The following RHBDD1 variants were observed in gnomAD, a reference collection of about 807,000 sequenced individuals.
RHBDD1 encodes the protein rhomboid domain containing 1, also known as rhomboid-related protein 4.
In RHBDD1, 38 loss-of-function variants were observed where a neutral mutation model predicts 36.3. The observed-to-expected ratio is 1.05, with a 90% CI of 0.81 to 1.37. The LOEUF is 1.37. RHBDD1 is among the 40% of genes most tolerant of loss of function. The pLI is 0.00. For synonymous variants in RHBDD1, 151 were observed against 136.5 expected, an observed-to-expected ratio of 1.11 and a Z score of -0.74; for missense variants, 393 against 377.6, an observed-to-expected ratio of 1.04 and a Z score of -0.34.
chr2:226,860,180 G>A (rs1273088117), intron 3 of RHBDD1, among the ~76,000 whole-genome samples: 3 of 152,164 alleles, frequency 2.0e-5, no homozygotes, highest in Non-Finnish European at 2.9e-5. Context: ...GAGAGGAGGA[G>A]CTGATTTGGA....
At chr2:226,920,870 C>T (rs1431637181) in intron 8 of RHBDD1, among the ~76,000 whole-genome samples, 1 of 152,098 alleles carries the variant, frequency 6.6e-6, no homozygotes, top group African/African-American at 2.4e-5. Flanking sequence ...ATACTGGCCT[C>T]ATAGAATTAG....
At chr2:226,840,448 C>T (rs1256277107) in intron 3 of RHBDD1, among the ~76,000 whole-genome samples, 1 of 152,154 alleles carries the variant, frequency 6.6e-6, no homozygotes, top group Non-Finnish European at 1.5e-5. Flanking sequence ...AGGAAAATCT[C>T]ATTAAGGAGA....
chr2:226,888,902 G>A (rs528606331), intron 5 of RHBDD1, among the ~76,000 whole-genome samples: 1 of 152,268 alleles, frequency 6.6e-6, no homozygotes, highest in South Asian at 2.1e-4. Flanking sequence ...AACTTCCATG[G>A]CAAGTGATTT....
At chr2:226,859,652 T>G (rs1426043280) in intron 3 of RHBDD1, among the ~76,000 whole-genome samples, 1 of 152,222 alleles carries the variant, frequency 6.6e-6, no homozygotes, top group Non-Finnish European at 1.5e-5. Flanking sequence ...CCATTTATAC[T>G]ATAATCCTGG....
chr2:226,967,319 A>G (rs1391977301), intron 8 of RHBDD1, among the ~76,000 whole-genome samples: 3 of 152,228 alleles, frequency 2.0e-5, no homozygotes, highest in Non-Finnish European at 4.4e-5. Context: ...TACTTGTTGA[A>G]TTAATAAAGA....
intron 8 of RHBDD1, among the ~76,000 whole-genome samples, chr2:226,954,522 A>G (rs1457169263): frequency 1.3e-5 from 2 of 152,210 alleles, no homozygotes; most frequent in Admixed American, 1.3e-4. Context: ...TCTAGCCGCT[A>G]GCAAACAAGT....
chr2:226,865,733 A>ATCAC (rs1944270533), intron 4 of RHBDD1, among the ~76,000 whole-genome samples: 1 of 152,198 alleles, frequency 6.6e-6, no homozygotes, highest in South Asian at 2.1e-4. Context: ...AATCACATGA[A>ATCAC]TCACTGGGCA....
At chr2:226,909,269 C>T (rs1484633736) in intron 7 of RHBDD1, among the ~76,000 whole-genome samples, 1 of 152,186 alleles carries the variant, frequency 6.6e-6, no homozygotes, top group African/African-American at 2.4e-5. Flanking sequence ...GGAACCCTTG[C>T]ATACCGTCAG....
rs115616411 is a variant in RHBDD1 at position 226,986,878 on chromosome 2, G to A, written c.857-8553G>A. On this transcript the variant is annotated intron_variant, in intron 8 of 8. Transcript: ENST00000392062. The stretch of plus-strand genomic sequence containing the variant: ...CATTCTGCTATAAAGACACATGCAC[G>A]TGTGTGCTTATTGTAGCACTATTCA... 2.7e-3 allele frequency among the ~76,000 whole-genome samples: 406 copies of A among 152,306 alleles called. 2 individuals carry two copies. The highest frequency in any genetic ancestry group is 9.3e-3 in the African/African-American group (386 of 41,564).
chr2:226,868,275 G>A (rs1168819885), intron 5 of RHBDD1, among the ~76,000 whole-genome samples: 4 of 152,126 alleles, frequency 2.6e-5, no homozygotes, highest in Non-Finnish European at 2.9e-5. Context: ...CCCTTACAGA[G>A]AAGGACTTGG....
At chr2:226,844,950 AATC>A (rs1171620798) in intron 3 of RHBDD1, among the ~76,000 whole-genome samples, 4 of 152,190 alleles carry the variant, frequency 2.6e-5, no homozygotes, top group African/African-American at 9.7e-5. Flanking sequence ...AATATAGTCT[AATC>A]ATTTTCATTT....
At chr2:226,814,502 A>T in the RHBDD1 span, among the ~76,000 whole-genome samples, 1 of 152,222 alleles carries the variant, frequency 6.6e-6, no homozygotes, top group Non-Finnish European at 1.5e-5. Context: ...AACATAGCAC[A>T]TCTGAGATAT....
At chr2:226,979,704 C>T (rs565014402) in intron 8 of RHBDD1, among the ~76,000 whole-genome samples, 3 of 152,314 alleles carry the variant, frequency 2.0e-5, no homozygotes, top group African/African-American at 7.2e-5. Flanking sequence ...CACATTGGGG[C>T]GCATCTTCCT....
chr2:226,992,951 G>A (rs756539142), intron 8 of RHBDD1, among the ~76,000 whole-genome samples: 7 of 152,190 alleles, frequency 4.6e-5, no homozygotes, highest in African/African-American at 9.7e-5. Flanking sequence ...AAGTGGAGAA[G>A]TGTACCTTGA....
chr2:226,805,587 A>G, the RHBDD1 span, among the ~76,000 whole-genome samples: 1 of 152,196 alleles, frequency 6.6e-6, no homozygotes, highest in Non-Finnish European at 1.5e-5. Context: ...CAGACTTTAC[A>G]ACACCTTTTG....
At chr2:226,870,596 C>G (rs1944720304) in intron 5 of RHBDD1, among the ~76,000 whole-genome samples, 1 of 152,148 alleles carries the variant, frequency 6.6e-6, no homozygotes, top group Admixed American at 6.5e-5. Context: ...TGCTGCGCCC[C>G]CATGTAGTTG....
At chr2:226,916,224 G>A (rs1268811577) in intron 8 of RHBDD1, among the ~76,000 whole-genome samples, 1 of 152,196 alleles carries the variant, frequency 6.6e-6, no homozygotes, top group African/African-American at 2.4e-5. Context: ...ACCTCTTGGA[G>A]GAACCGCAAA....
At chr2:226,922,309 G>T (rs1011103403) in intron 8 of RHBDD1, among the ~76,000 whole-genome samples, 1 of 145,172 alleles carries the variant, frequency 6.9e-6, no homozygotes, top group African/African-American at 2.6e-5. Context: ...CCGGGTTCAC[G>T]CCATTCTCCT....
chr2:226,956,988 G>C (rs956415089), intron 8 of RHBDD1, among the ~76,000 whole-genome samples: 2 of 152,180 alleles, frequency 1.3e-5, no homozygotes, highest in Admixed American at 6.5e-5. Flanking sequence ...AAAAAGATAA[G>C]AATATTTCTT....
Sources: allele counts gnomAD v4.1 joint callset (sites outside exome capture counted in the v4.1 genomes callset), GRCh38; gene constraint gnomAD v4.1.1; transcripts MANE v1.5; gene names NCBI Gene and HGNC (gene_info 2026-07-23, HGNC 2026-07-21).